The following APC variants were observed in gnomAD, a reference collection of about 807,000 sequenced individuals.
The protein encoded by APC is adenomatous polyposis coli protein.
A neutral mutation model predicts 247.0 loss-of-function variants in APC; 72 were observed. The observed-to-expected ratio is 0.29, with a 90% CI of 0.24 to 0.35. The LOEUF (loss-of-function observed/expected upper bound fraction) is 0.35. Ranked by LOEUF, APC falls within the 10% of genes least tolerant of loss-of-function variation. The pLI, the probability that APC is intolerant of heterozygous loss-of-function variation, is 1.00. For missense variants in APC, 3,400 were observed against 3,360.7 expected, an observed-to-expected ratio of 1.01 and a Z score of -0.29; for synonymous variants, 1,254 against 1,162.5, an observed-to-expected ratio of 1.08 and a Z score of -1.60.
chr5:112,830,572 G>C (rs1006649829), intron 14 of APC, among the ~76,000 whole-genome samples: 1 of 151,974 alleles, frequency 6.6e-6, no homozygotes, highest in East Asian at 1.9e-4. Context: ...AGGAGCAAAA[G>C]TGCTGACACG....
rs76968072 is a variant in APC at position 112,817,966 on chromosome 5, A to G, written c.934-1000A>G. On this transcript the variant is annotated intron_variant, in intron 9 of 15. Transcript: ENST00000257430. ...TCTAAAGGTGTATGTGTATTTACGC[A>G]TCTAAAGCAGCATTTCTAAACCTCA... Among the ~76,000 whole-genome samples the G allele has an allele frequency of 7.5e-3, 1,144 of 152,352 alleles. 12 individuals carry two copies. The highest frequency in any genetic ancestry group is 0.026 in the African/African-American group (1,067 of 41,584).
chr5:112,725,904 G>C (rs967024271), intron 1 of APC, among the ~76,000 whole-genome samples: 13 of 152,198 alleles, frequency 8.5e-5, no homozygotes, highest in Non-Finnish European at 1.6e-4. Context: ...TAGTATATGA[G>C]GTACAGACTG....
At chr5:112,739,652 T>G (rs1214640365) in intron 1 of APC, among the ~76,000 whole-genome samples, 1 of 152,188 alleles carries the variant, frequency 6.6e-6, no homozygotes, top group Non-Finnish European at 1.5e-5. Flanking sequence ...GAGGATCACT[T>G]GAGCCTTGGC....
chr5:112,737,960 C>A (rs1479708790), intron 1 of APC, 35 bp downstream of exon 1: 5 of 980,568 alleles, frequency 5.1e-6, no homozygotes, highest in Non-Finnish European at 6.1e-6. Context: ...AGGCTTGCTG[C>A]GGGGGGAGGG....
chr5:112,710,418 G>A (rs997155918), intron 1 of APC, among the ~76,000 whole-genome samples: 2 of 152,100 alleles, frequency 1.3e-5, no homozygotes, highest in African/African-American at 4.8e-5. Context: ...ATATCTCAGA[G>A]GAAGAAATGA....
chr5:112,801,606 GT>G (rs1366041463), intron 8 of APC, among the ~76,000 whole-genome samples: 4 of 151,848 alleles, frequency 2.6e-5, no homozygotes, highest in Non-Finnish European at 4.4e-5. Flanking sequence ...TAGATTGTGT[GT>G]TTATGTTTTA....
intron 1 of APC, 41 bp downstream of exon 1, chr5:112,737,966 G>C (rs975837456): frequency 6.1e-6 from 6 of 980,068 alleles, no homozygotes; most frequent in Admixed American, 1.2e-4. Flanking sequence ...GCTGCGGGGG[G>C]AGGGGGGAAG....
At chr5:112,738,054 G>A in intron 1 of APC, 129 bp downstream of exon 1, 1 of 588,552 alleles carries the variant, frequency 1.7e-6, no homozygotes, top group African/African-American at 2.0e-5. Context: ...AAACGAGGAG[G>A]CAGGGGCGTC....
At chr5:112,813,510 T>C (rs558250412) in intron 8 of APC, among the ~76,000 whole-genome samples, 50 of 152,270 alleles carry the variant, frequency 3.3e-4, no homozygotes, top group African/African-American at 1.0e-3. Context: ...TTGATTAAAA[T>C]CCTGACGAAT....
chr5:112,772,933 G>A (rs1757222581), intron 4 of APC, among the ~76,000 whole-genome samples: 1 of 152,134 alleles, frequency 6.6e-6, no homozygotes, highest in African/African-American at 2.4e-5. Flanking sequence ...GTCCTCACTA[G>A]GGAAAACTGA....
chr5:112,719,611 T>G (rs1388441314), intron 1 of APC, among the ~76,000 whole-genome samples: 3 of 151,344 alleles, frequency 2.0e-5, no homozygotes, highest in Non-Finnish European at 4.4e-5. Context: ...CTCCACTCAC[T>G]GCAACCTCCG....
At chr5:112,749,114 T>A (rs1488721619) in intron 1 of APC, among the ~76,000 whole-genome samples, 1 of 150,886 alleles carries the variant, frequency 6.6e-6, no homozygotes, top group Non-Finnish European at 1.5e-5. Flanking sequence ...ATAAATGATC[T>A]TATATTGCAC....
At chr5:112,827,634 C>A (rs532936771) in intron 12 of APC, among the ~76,000 whole-genome samples, 2 of 152,338 alleles carry the variant, frequency 1.3e-5, no homozygotes, top group African/African-American at 2.4e-5. Flanking sequence ...GCAAGTGTTA[C>A]ACACACATTG....
chr5:112,802,280 TAAAAC>T (rs925487252), intron 8 of APC, among the ~76,000 whole-genome samples: 11 of 152,124 alleles, frequency 7.2e-5, no homozygotes, highest in South Asian at 4.1e-4. Flanking sequence ...TTTACTGAGT[TAAAAC>T]AAACATACTT....
intron 4 of APC, among the ~76,000 whole-genome samples, chr5:112,767,641 T>G (rs2149790915): frequency 6.6e-6 from 1 of 152,164 alleles, no homozygotes; most frequent in African/African-American, 2.4e-5. Context: ...TTTTTTGGGG[T>G]TTATTTTGAG....
chr5:112,754,938 G>A lies in APC; in HGVS notation c.48G>A (p.Leu16=), dbSNP rs2149737793. ...AGTTGTTAAAGCAAGTTGAGGCACT[G>A]AAGATGGAGAACTCAAATCTTCGAC... The part of the protein sequence containing the change: ...YDQLLKQVEA[L]KMENSNLRQE... The change falls in exon 2 of 16, where the codon CTG becomes CTA. Residue 16 remains leucine (L), a synonymous_variant. Transcript: ENST00000257430. The A allele has an allele frequency of 6.2e-7, 1 of 1,613,848 alleles. No homozygotes were observed. Among genetic ancestry groups the A allele is most frequent in the Non-Finnish European group, 8.5e-7 (1 of 1,179,828 alleles).
intron 5 of APC, among the ~76,000 whole-genome samples, chr5:112,779,072 T>G (rs1212154662): frequency 6.6e-6 from 1 of 152,126 alleles, no homozygotes; most frequent in African/African-American, 2.4e-5. Context: ...AGAATAATCA[T>G]TCAGGGTTTT....
At chr5:112,715,394 C>T (rs1488473882) in intron 1 of APC, among the ~76,000 whole-genome samples, 1 of 152,058 alleles carries the variant, frequency 6.6e-6, no homozygotes, top group Non-Finnish European at 1.5e-5. Flanking sequence ...AAAATAGGTT[C>T]AGGGGACAGG....
chr5:112,730,586 A>G (rs1752051169), intron 1 of APC, among the ~76,000 whole-genome samples: 1 of 152,352 alleles, frequency 6.6e-6, no homozygotes, highest in East Asian at 1.9e-4. Flanking sequence ...GTTTAGAAGC[A>G]TATTTATCAT....
Sources: allele counts gnomAD v4.1 joint callset (sites outside exome capture counted in the v4.1 genomes callset), GRCh38; gene constraint gnomAD v4.1.1; transcripts MANE v1.5; gene names NCBI Gene and HGNC (gene_info 2026-07-23, HGNC 2026-07-21).